The following CNTN5 variants were observed in gnomAD, a reference collection of about 807,000 sequenced individuals.
The protein encoded by CNTN5 is contactin-5.
In CNTN5, 77 loss-of-function variants were observed where a neutral mutation model predicts 129.1. That is an observed-to-expected ratio of 0.60 (90% CI 0.50 to 0.72). CNTN5 has a LOEUF of 0.72. CNTN5 is among the 30% of genes least tolerant of loss of function. The pLI, the probability that CNTN5 is intolerant of heterozygous loss-of-function variation, is 0.00. For missense variants in CNTN5, 1,478 were observed against 1,328.8 expected (o/e 1.11, Z -1.75); for synonymous variants, 509 against 465.6 (o/e 1.09, Z -1.20).
intron 21 of CNTN5, among the ~76,000 whole-genome samples, chr11:100,318,712 AC>A (rs1951617922): frequency 6.6e-6 from 1 of 152,186 alleles, no homozygotes; most frequent in Non-Finnish European, 1.5e-5. Context: ...CTGACAATGT[AC>A]TTGTGATAGA....
intron 8 of CNTN5, among the ~76,000 whole-genome samples, chr11:99,961,870 C>T (rs951549576): frequency 6.6e-6 from 1 of 152,146 alleles, no homozygotes; most frequent in Non-Finnish European, 1.5e-5. Context: ...CCCATTCAGT[C>T]ATGACCCCCA....
intron 1 of CNTN5, among the ~76,000 whole-genome samples, chr11:99,284,963 C>T (rs537004069): frequency 5.9e-5 from 9 of 151,998 alleles, no homozygotes; most frequent in East Asian, 3.9e-4. Context: ...AAAAATATAT[C>T]GGACACTTTT....
chr11:99,185,547 G>T (rs1858300681), intron 1 of CNTN5, among the ~76,000 whole-genome samples: 1 of 151,768 alleles, frequency 6.6e-6, no homozygotes, highest in Admixed American at 6.6e-5. Flanking sequence ...AATATACAGT[G>T]AAATCCTCAA....
intron 1 of CNTN5, among the ~76,000 whole-genome samples, chr11:99,298,982 A>G (rs931672227): frequency 2.0e-5 from 3 of 152,170 alleles, no homozygotes; most frequent in African/African-American, 7.2e-5. Context: ...GTAAGAGAGA[A>G]TGCTCCTGAC....
At chr11:99,902,124 G>A (rs1429693626) in intron 6 of CNTN5, among the ~76,000 whole-genome samples, 4 of 152,114 alleles carry the variant, frequency 2.6e-5, no homozygotes, top group East Asian at 3.9e-4. Flanking sequence ...CTGGCAATAC[G>A]GAAAAGTCAT....
chr11:99,448,673 T>A (rs1944170247), intron 2 of CNTN5, among the ~76,000 whole-genome samples: 2 of 152,008 alleles, frequency 1.3e-5, no homozygotes, highest in Non-Finnish European at 2.9e-5. Context: ...TGTTGTATTA[T>A]AGATGTGGAA....
chr11:99,231,748 C>T (rs1024813905), intron 1 of CNTN5, among the ~76,000 whole-genome samples: 11 of 152,024 alleles, frequency 7.2e-5, no homozygotes, highest in Admixed American at 1.3e-4. Context: ...ATTAGTATTG[C>T]GTAGATTTTC....
intron 3 of CNTN5, among the ~76,000 whole-genome samples, chr11:99,789,100 G>C (rs1451830603): frequency 6.6e-6 from 1 of 151,820 alleles, no homozygotes; most frequent in Middle Eastern, 3.4e-3. Flanking sequence ...ATAAGAAATA[G>C]TCCTATGTTA....
At chr11:99,247,446 C>T (rs1365748518) in intron 1 of CNTN5, among the ~76,000 whole-genome samples, 2 of 150,966 alleles carry the variant, frequency 1.3e-5, no homozygotes, top group Non-Finnish European at 3.0e-5. Flanking sequence ...AGCCCTGCTA[C>T]ATTTCTTTTA....
At chr11:99,660,811 G>C (rs1305722884) in intron 3 of CNTN5, among the ~76,000 whole-genome samples, 1 of 151,934 alleles carries the variant, frequency 6.6e-6, no homozygotes, top group Non-Finnish European at 1.5e-5. Context: ...GAAACTCTTA[G>C]TTAATAGTTG....
Position 99,645,770 on chromosome 11 carries a change from G to A in CNTN5, c.55+89501G>A, listed in dbSNP as rs532432974. Among the ~76,000 whole-genome samples, 7 of 95,472 alleles carry A rather than the reference G, an allele frequency of 7.3e-5. No individual in the cohort carries two copies. In the South Asian group the frequency reaches 2.1e-3, roughly 29 times the overall value. 62.6% of individuals were successfully genotyped at this position (95,472 alleles called of 152,430 possible). On this transcript the variant is annotated intron_variant, in intron 3 of 24. Transcript: ENST00000524871. ...CAATGAGAACACATCGCCACAGGGA[G>A]GGGAACATTGCACACTTGGGCCTGT... is the stretch of plus-strand genomic sequence containing the variant.
intron 6 of CNTN5, among the ~76,000 whole-genome samples, chr11:99,906,891 G>T (rs1428126682): frequency 1.3e-5 from 2 of 151,976 alleles, no homozygotes; most frequent in East Asian, 3.9e-4. Flanking sequence ...TATATGTCCA[G>T]ATTTTCTAGT....
intron 7 of CNTN5, among the ~76,000 whole-genome samples, chr11:99,937,961 C>T (rs575320856): frequency 6.6e-6 from 1 of 152,238 alleles, no homozygotes; most frequent in African/African-American, 2.4e-5. Context: ...ACAAAAGAAA[C>T]AAAACATTCC....
At chr11:100,041,796 A>T (rs1217236818) in intron 9 of CNTN5, among the ~76,000 whole-genome samples, 1 of 152,190 alleles carries the variant, frequency 6.6e-6, no homozygotes, top group African/African-American at 2.4e-5. Context: ...TGTCACAGAG[A>T]CTGTCAAGCT....
At chr11:100,276,169 C>T (rs931494821) in intron 18 of CNTN5, among the ~76,000 whole-genome samples, 4 of 152,170 alleles carry the variant, frequency 2.6e-5, no homozygotes, top group Admixed American at 2.0e-4. Flanking sequence ...CATAGAATTG[C>T]CCCTTTTCTG....
intron 1 of CNTN5, among the ~76,000 whole-genome samples, chr11:99,211,207 AT>A (rs1342960325): frequency 6.6e-6 from 1 of 151,584 alleles, no homozygotes; most frequent in Non-Finnish European, 1.5e-5. Context: ...TACTTTCCTG[AT>A]TTTCATGGTA....
At chr11:99,217,967 A>C (rs1860212111) in intron 1 of CNTN5, among the ~76,000 whole-genome samples, 3 of 152,190 alleles carry the variant, frequency 2.0e-5, no homozygotes, top group Admixed American at 2.0e-4. Flanking sequence ...ATAAAAACAA[A>C]GAAGTTTTGA....
intron 1 of CNTN5, among the ~76,000 whole-genome samples, chr11:99,222,329 A>T (rs1860438781): frequency 6.6e-6 from 1 of 151,870 alleles, no homozygotes; most frequent in Non-Finnish European, 1.5e-5. Context: ...TAGGGAAGGA[A>T]GGATAAAGGA....
chr11:99,122,705 G>A (rs76669326), intron 1 of CNTN5, among the ~76,000 whole-genome samples: 8,878 of 151,820 alleles, frequency 0.058, 275 homozygotes, highest in African/African-American at 0.075. Flanking sequence ...CACTCCTCAC[G>A]CCCTCCACCT....
Sources: gnomAD v4.1 joint callset for allele counts (sites outside exome capture counted in the v4.1 genomes callset) on GRCh38, gnomAD v4.1.1 for gene constraint, MANE v1.5 for transcripts, NCBI Gene and HGNC (gene_info 2026-07-23, HGNC 2026-07-21) for gene names.